CNTNAP2: variants seen among roughly 807,000 people sequenced by gnomAD.
The protein encoded by CNTNAP2 is contactin-associated protein-like 2.
Under a neutral mutation model 155.2 loss-of-function variants are expected in CNTNAP2, and 98 were observed. That is an observed-to-expected ratio of 0.63 (90% CI 0.54 to 0.75). The LOEUF (loss-of-function observed/expected upper bound fraction) is 0.75. Ranked by LOEUF, CNTNAP2 falls within the 30% of genes least tolerant of loss-of-function variation. The pLI is 0.00. For missense variants in CNTNAP2, 1,727 were observed against 1,688.1 expected (o/e 1.02, Z -0.40); for synonymous variants, 651 against 631.2 (o/e 1.03, Z -0.47).
chr7:147,673,389 A>G (rs896525184), intron 13 of CNTNAP2, among the ~76,000 whole-genome samples: 2 of 152,186 alleles, frequency 1.3e-5, no homozygotes, highest in Non-Finnish European at 2.9e-5. Flanking sequence ...CAACATCCTT[A>G]TTCCTATTTT....
chr7:146,606,313 A>G (rs1433249588), intron 1 of CNTNAP2, among the ~76,000 whole-genome samples: 1 of 152,220 alleles, frequency 6.6e-6, no homozygotes, highest in Non-Finnish European at 1.5e-5. Flanking sequence ...TACATGGAAT[A>G]TAATACAAGT....
intron 1 of CNTNAP2, among the ~76,000 whole-genome samples, chr7:146,390,551 A>G (rs1795525255): frequency 6.6e-6 from 1 of 150,858 alleles, no homozygotes; most frequent in South Asian, 2.1e-4. Context: ...ATATATATAC[A>G]CACTATATAT....
At chr7:147,139,548 A>G (rs1801554612) in intron 8 of CNTNAP2, among the ~76,000 whole-genome samples, 1 of 152,096 alleles carries the variant, frequency 6.6e-6, no homozygotes, top group African/African-American at 2.4e-5. Context: ...ACCAGGGATA[A>G]TTAACTTGAC....
At position 147,083,874 on chromosome 7, in the gene CNTNAP2, T is replaced by TTATATACATATACACATGTATGTACA. The variant is rs1800203837; in HGVS notation, c.551-24249_551-24248insCATATATACATATACACATGTATGTA. On this transcript the variant is annotated intron_variant, in intron 4 of 23. Coordinates refer to ENST00000361727, the MANE Select transcript of CNTNAP2 (RefSeq NM_014141.6). Reference sequence around the variant, plus strand: ...ATACATATACACATGTATGTACATATTATATACATATACACATGTATGTAT... The same window carrying TTATATACATATACACATGTATGTACA: ...ATACATATACACATGTATGTACATATTATATACATATACACATGTATGTACATATATACATATACACATGTATGTAT... 8.6e-5 allele frequency among the ~76,000 whole-genome samples: 12 copies of TTATATACATATACACATGTATGTACA among 139,084 alleles called. No homozygotes were observed. In the Admixed American group the frequency reaches 9.1e-4, roughly 10 times the overall value. 91.2% of individuals were successfully genotyped at this position (139,084 alleles called of 152,430 possible).
intron 1 of CNTNAP2, among the ~76,000 whole-genome samples, chr7:146,619,468 T>A (rs1388324300): frequency 6.6e-6 from 1 of 152,216 alleles, no homozygotes; most frequent in Non-Finnish European, 1.5e-5. Context: ...TTGTTGAATT[T>A]AATTATTCAA....
intron 3 of CNTNAP2, among the ~76,000 whole-genome samples, chr7:146,998,607 C>A (rs1195879845): frequency 6.6e-6 from 1 of 151,990 alleles, no homozygotes; most frequent in Non-Finnish European, 1.5e-5. Flanking sequence ...TCTGGATGAA[C>A]TATCCATTGC....
intron 21 of CNTNAP2, among the ~76,000 whole-genome samples, chr7:148,354,945 A>G (rs1407339976): frequency 3.3e-5 from 5 of 151,972 alleles, no homozygotes; most frequent in African/African-American, 1.2e-4. Context: ...CCTGAGTGTC[A>G]ATGACAAAAG....
intron 1 of CNTNAP2, among the ~76,000 whole-genome samples, chr7:146,502,467 GT>G (rs1797320005): frequency 6.6e-6 from 1 of 151,776 alleles, no homozygotes; most frequent in Non-Finnish European, 1.5e-5. Context: ...TGTGCATACT[GT>G]TTTCCATACT....
chr7:146,384,690 G>A (rs921172744), intron 1 of CNTNAP2, among the ~76,000 whole-genome samples: 27 of 151,960 alleles, frequency 1.8e-4, no homozygotes, highest in African/African-American at 6.5e-4. Flanking sequence ...TCTTACAAGA[G>A]ACAGCCAAGA....
intron 11 of CNTNAP2, among the ~76,000 whole-genome samples, chr7:147,552,116 T>A (rs1038610682): frequency 1.3e-5 from 2 of 152,208 alleles, no homozygotes; most frequent in Non-Finnish European, 2.9e-5. Flanking sequence ...GTTCTGATTC[T>A]TGATCTAAAA....
Position 147,574,625 on chromosome 7 carries a change from T to A in CNTNAP2, c.1897+12368T>A, listed in dbSNP as rs1255394848. Among the ~76,000 whole-genome samples, 16 of 83,472 alleles carry A rather than the reference T, an allele frequency of 1.9e-4. No homozygotes were observed. The Admixed American group carries it at 2.1e-3, about 11-fold the overall frequency. The allele number at this position is 83,472 out of a possible 152,430, so 54.8% of individuals were successfully genotyped here. A position where few individuals can be genotyped will look rare whatever the true frequency, so the allele number is the denominator to read the frequency against. On this transcript the variant is annotated intron_variant, in intron 12 of 23. Coordinates refer to ENST00000361727, the MANE Select transcript of CNTNAP2 (RefSeq NM_014141.6). ...CTTTATTAGTCAGGTTCTCTAAGGATACGTTTTAAAATTCTTTCCTGGAGG... is the reference window on the plus strand; with the variant it reads ...CTTTATTAGTCAGGTTCTCTAAGGAAACGTTTTAAAATTCTTTCCTGGAGG...
intron 4 of CNTNAP2, among the ~76,000 whole-genome samples, chr7:147,070,191 A>G (rs1307870519): frequency 6.6e-6 from 1 of 152,202 alleles, no homozygotes; most frequent in Non-Finnish European, 1.5e-5. Flanking sequence ...TTTAAAGAAA[A>G]TATATTGTGC....
intron 1 of CNTNAP2, among the ~76,000 whole-genome samples, chr7:146,189,759 A>G (rs145966059): frequency 6.6e-6 from 1 of 152,308 alleles, no homozygotes; most frequent in East Asian, 1.9e-4. Context: ...AAATCATTTG[A>G]ATTTCAACAT....
intron 10 of CNTNAP2, among the ~76,000 whole-genome samples, chr7:147,426,483 A>G (rs1797380123): frequency 6.6e-6 from 1 of 152,162 alleles, no homozygotes; most frequent in Admixed American, 6.6e-5. Context: ...AAAATGTTTA[A>G]TAATTCCTTT....
chr7:148,405,781 A>C (rs1799691052), intron 22 of CNTNAP2, among the ~76,000 whole-genome samples: 1 of 151,232 alleles, frequency 6.6e-6, no homozygotes, highest in Non-Finnish European at 1.5e-5. Flanking sequence ...ATGCCCAGCT[A>C]ATTTTTGTAT....
At chr7:147,068,105 C>A (rs756454937) in intron 4 of CNTNAP2, among the ~76,000 whole-genome samples, 1 of 152,102 alleles carries the variant, frequency 6.6e-6, no homozygotes, top group South Asian at 2.1e-4. Flanking sequence ...GGAGAGACAG[C>A]CTTTGTTGCT....
intron 10 of CNTNAP2, among the ~76,000 whole-genome samples, chr7:147,399,159 G>A (rs1796871759): frequency 6.6e-6 from 1 of 152,072 alleles, no homozygotes; most frequent in Non-Finnish European, 1.5e-5. Context: ...GGGAGGTCAA[G>A]AATAGTTGAA....
At chr7:147,531,951 T>C (rs1475230547) in intron 11 of CNTNAP2, among the ~76,000 whole-genome samples, 13 of 151,852 alleles carry the variant, frequency 8.6e-5, no homozygotes, top group South Asian at 2.1e-4. Flanking sequence ...GGACTACAGG[T>C]GCCTGCCACC....
chr7:146,182,788 CCTCA>C (rs1378719114), intron 1 of CNTNAP2, among the ~76,000 whole-genome samples: 1 of 152,166 alleles, frequency 6.6e-6, no homozygotes, highest in Non-Finnish European at 1.5e-5. Context: ...CATCGAACTT[CCTCA>C]CTGTTCCCTT....
Sources: allele counts gnomAD v4.1 joint callset (sites outside exome capture counted in the v4.1 genomes callset), GRCh38; gene constraint gnomAD v4.1.1; transcripts MANE v1.5; gene names NCBI Gene and HGNC (gene_info 2026-07-23, HGNC 2026-07-21).